EYS: variants seen among roughly 807,000 people sequenced by gnomAD.
The protein encoded by EYS is EGF-like photoreceptor maintenance factor.
Under a neutral mutation model 282.1 loss-of-function variants are expected in EYS, and 250 were observed. The ratio of observed to expected loss-of-function variants is 0.89; its 90% CI spans 0.80 to 0.98. The LOEUF (loss-of-function observed/expected upper bound fraction) is 0.98, where lower values mean the gene tolerates loss of function less well. EYS is among the 50% of genes least tolerant of loss of function. The pLI is 0.00. For synonymous variants in EYS, 1,355 were observed against 1,282.9 expected (o/e 1.06, Z -1.20); for missense variants, 4,016 against 3,709.0 (o/e 1.08, Z -2.15).
chr6:65,132,894 T>C (rs1561982573), intron 12 of EYS, among the ~76,000 whole-genome samples: 1 of 151,408 alleles, frequency 6.6e-6, no homozygotes, highest in Non-Finnish European at 1.5e-5. Flanking sequence ...CGTACGAAAA[T>C]CACTAGCATT....
intron 31 of EYS, among the ~76,000 whole-genome samples, chr6:64,220,105 A>C (rs538568079): frequency 6.6e-6 from 1 of 152,304 alleles, no homozygotes; most frequent in Non-Finnish European, 1.5e-5. Flanking sequence ...TGGGTACAGC[A>C]CACCAACATG....
At chr6:65,471,534 G>C (rs561963215) in intron 5 of EYS, among the ~76,000 whole-genome samples, 2 of 152,230 alleles carry the variant, frequency 1.3e-5, no homozygotes, top group African/African-American at 4.8e-5. Context: ...AACTTGCTTA[G>C]CATATCACAA....
chr6:65,260,895 T>C (rs1767602699), intron 12 of EYS, among the ~76,000 whole-genome samples: 1 of 152,128 alleles, frequency 6.6e-6, no homozygotes. Context: ...TCTATCAAGA[T>C]GAATTATTTG....
intron 2 of EYS, among the ~76,000 whole-genome samples, chr6:65,508,503 C>T (rs1030459965): frequency 6.6e-6 from 1 of 151,730 alleles, no homozygotes; most frequent in African/African-American, 2.4e-5. Context: ...GAAACCCCAT[C>T]TCTACTAAAA....
At chr6:63,980,516 C>G (rs1332286828) in intron 35 of EYS, among the ~76,000 whole-genome samples, 7 of 151,828 alleles carry the variant, frequency 4.6e-5, no homozygotes, top group Non-Finnish European at 1.0e-4. Context: ...GTAATAATCA[C>G]TCTTTTATTC....
At chr6:65,631,494 T>G (rs1447960703) in intron 2 of EYS, among the ~76,000 whole-genome samples, 2 of 150,772 alleles carry the variant, frequency 1.3e-5, no homozygotes, top group Admixed American at 1.3e-4. Flanking sequence ...AAAAAAATCC[T>G]GTGTTGTTTT....
chr6:64,559,973 C>T (rs1223601506), intron 26 of EYS, among the ~76,000 whole-genome samples: 3 of 152,186 alleles, frequency 2.0e-5, no homozygotes, highest in East Asian at 3.9e-4. Context: ...CACGTGTTCT[C>T]GTCATCTAGC....
intron 29 of EYS, among the ~76,000 whole-genome samples, chr6:64,344,803 T>C (rs1208637947): frequency 6.6e-6 from 1 of 152,106 alleles, no homozygotes; most frequent in Non-Finnish European, 1.5e-5. Flanking sequence ...GAAAACCCCA[T>C]GGTCTCAGCC....
At chr6:64,910,184 G>T (rs181485572) in intron 16 of EYS, among the ~76,000 whole-genome samples, 1 of 152,188 alleles carries the variant, frequency 6.6e-6, no homozygotes, top group Non-Finnish European at 1.5e-5. Context: ...GGAATTCTTT[G>T]TAGTTCTAAA....
chr6:64,505,569 A>G (rs1661074424), intron 26 of EYS, among the ~76,000 whole-genome samples: 1 of 152,162 alleles, frequency 6.6e-6, no homozygotes, highest in African/African-American at 2.4e-5. Flanking sequence ...GAAGACGGCA[A>G]TGGCAAAATG....
At position 65,405,265 on chromosome 6, in the gene EYS, T is replaced by C. The variant is rs146489281; in HGVS notation, c.965A>G (p.Lys322Arg). 2.5e-6 allele frequency: 4 copies of C among 1,613,404 alleles called. No individual in the cohort carries two copies. Among genetic ancestry groups the C allele is most frequent in the Non-Finnish European group, 3.4e-6 (4 of 1,179,568 alleles). Residue 322 changes from lysine to arginine, a missense_variant, in exon 6 of 43, where the codon AAA (lysine) becomes AGA (arginine). Lys to Arg is a conservative substitution (Grantham distance 26). Coordinates refer to ENST00000503581, the MANE Select transcript of EYS (RefSeq NM_001142800.2). ...TTCACCATTTTGGCTGGAAGATCCT[T>C]TTGGGCATTCATAAGTATAAGCAGA... ...SSSAYTYECPKGSSSQNGETD... is the reference protein window; with the variant it reads ...SSSAYTYECPRGSSSQNGETD...
At chr6:64,944,917 T>C (rs1436539257) in intron 15 of EYS, among the ~76,000 whole-genome samples, 1 of 152,064 alleles carries the variant, frequency 6.6e-6, no homozygotes, top group African/African-American at 2.4e-5. Flanking sequence ...TCATAGTACC[T>C]TCCCTTGAAC....
chr6:64,708,295 C>A (rs1190968969), intron 22 of EYS, among the ~76,000 whole-genome samples: 1 of 152,208 alleles, frequency 6.6e-6, no homozygotes, highest in Non-Finnish European at 1.5e-5. Flanking sequence ...ACCCTTAAGA[C>A]ACTTTATATC....
rs142626474 is a variant in EYS, at chr6:64,397,170, T to A, written c.5928-8330A>T. ...CTGGTTTTCAAAAGTTTGGGTGTAT[T>A]CTTGGAGTAAGTTTAACTTGGTTAT... On this transcript the variant is annotated intron_variant, in intron 28 of 42. Transcript: ENST00000503581. Among the ~76,000 whole-genome samples, 1,319 of 152,206 alleles carry A rather than the reference T, an allele frequency of 8.7e-3. 27 individuals carry two copies. Among genetic ancestry groups the A allele is most frequent in the African/African-American group, 0.029 (1,209 of 41,556 alleles).
At chr6:64,387,054 A>G (rs1772935396) in intron 29 of EYS, among the ~76,000 whole-genome samples, 1 of 152,086 alleles carries the variant, frequency 6.6e-6, no homozygotes, top group Admixed American at 6.6e-5. Context: ...TCTGGCTCCC[A>G]CTCACCTATC....
At chr6:64,768,684 G>C (rs539568227) in intron 22 of EYS, among the ~76,000 whole-genome samples, 2 of 152,168 alleles carry the variant, frequency 1.3e-5, no homozygotes, top group Admixed American at 1.3e-4. Flanking sequence ...TGAGCCCTTT[G>C]GTGATAAAGG....
At chr6:64,122,923 T>G (rs1460740190) in intron 31 of EYS, among the ~76,000 whole-genome samples, 1 of 152,162 alleles carries the variant, frequency 6.6e-6, no homozygotes, top group East Asian at 1.9e-4. Context: ...GCATTTTTTT[T>G]TTGAATTTTC....
chr6:63,801,537 T>C (rs1231962776), intron 37 of EYS, among the ~76,000 whole-genome samples: 2 of 152,098 alleles, frequency 1.3e-5, no homozygotes, highest in African/African-American at 4.8e-5. Context: ...GGAGGGGAAG[T>C]CATGTATTCA....
At chr6:65,193,947 G>A (rs2150241574) in intron 12 of EYS, among the ~76,000 whole-genome samples, 1 of 151,790 alleles carries the variant, frequency 6.6e-6, no homozygotes, top group African/African-American at 2.4e-5. Flanking sequence ...GGTAAACCAA[G>A]GTTTTCAATT....
Sources: allele counts gnomAD v4.1 joint callset (sites outside exome capture counted in the v4.1 genomes callset), GRCh38; gene constraint gnomAD v4.1.1; transcripts MANE v1.5; gene names NCBI Gene and HGNC (gene_info 2026-07-23, HGNC 2026-07-21).